The following CLTCL1 variants were observed in gnomAD, a reference collection of about 807,000 sequenced individuals.
CLTCL1 encodes clathrin heavy chain 2.
In CLTCL1, 159 loss-of-function variants were observed where a neutral mutation model predicts 190.0. The observed-to-expected ratio is 0.84, with a 90% CI of 0.74 to 0.95. CLTCL1 has a LOEUF of 0.95. Among genes scored for constraint, CLTCL1 ranks in the 40% least tolerant of loss-of-function variants. The pLI is 0.00. For missense variants in CLTCL1, 1,878 were observed against 2,033.4 expected (o/e 0.92, Z 1.47); for synonymous variants, 752 against 769.6 (o/e 0.98, Z 0.38).
At chr22:19,229,714 A>T (rs1331092438) in intron 11 of CLTCL1, 124 bp downstream of exon 11, 1 of 871,922 alleles carries the variant, frequency 1.1e-6, no homozygotes, top group Non-Finnish European at 1.6e-6. Flanking sequence ...ATGTCCACTG[A>T]GAAGTACAAG....
At position 19,233,245 on chromosome 22, in the gene CLTCL1, C is replaced by T. The variant is rs116398959; in HGVS notation, c.1442G>A (p.Arg481Gln). ...DPMLALSVYLRANVPSKVIQC... is the reference protein window; with the variant it reads ...DPMLALSVYLQANVPSKVIQC... ...GATCACTTTGCTTGGCACATTTGCC[C>T]GAAGGTACACACTCAGAGCGAGCAT... The change falls in exon 9 of 33, where the codon CGG becomes CAG. Residue 481 changes from arginine to glutamine, a missense_variant. Arg to Gln is a conservative substitution (Grantham distance 43, BLOSUM62 1). Coordinates refer to ENST00000427926, the MANE Select transcript of CLTCL1 (RefSeq NM_007098.4). 1,289 of 1,613,944 alleles carry T rather than the reference C, an allele frequency of 8.0e-4. 8 individuals are homozygous for T. The African/African-American group carries it at 0.014, about 18-fold the overall frequency.
rs2084058100 is a variant in CLTCL1 at position 19,179,551 on chromosome 22, A to T, written c.*439T>A. The T allele has an allele frequency of 6.5e-6, 1 of 153,174 alleles. No individual in the cohort carries two copies. 9.5% of individuals were successfully genotyped at this position (153,174 alleles called of 1,614,324 possible). A position where few individuals can be genotyped will look rare whatever the true frequency, so the allele number is the denominator to read the frequency against. ...CTTTTATGAGGTCCGGTACCTCCAA[A>T]CAAGACGTGTTCATGTAGTCTTCAA... is the stretch of plus-strand genomic sequence containing the variant. On this transcript the variant is annotated 3_prime_UTR_variant, in exon 33 of 33. Transcript: ENST00000427926.
intron 10 of CLTCL1, among the ~76,000 whole-genome samples, chr22:19,230,643 G>C (rs1179579504): frequency 5.3e-5 from 8 of 152,034 alleles, no homozygotes; most frequent in African/African-American, 1.7e-4. Flanking sequence ...TTATCAGTGA[G>C]GTATTTTACT....
chr22:19,226,110 C>T lies in CLTCL1; in HGVS notation c.1947+109G>A. The T allele has an allele frequency of 3.1e-6, 4 of 1,272,792 alleles. No individual in the cohort carries two copies. The South Asian group carries it at 6.0e-5, about 19-fold the overall frequency. The allele number at this position is 1,272,792 out of a possible 1,614,324, so 78.8% of individuals were successfully genotyped here. ...AAAGTATGGTAGGTTAGGGCAGTGA[C>T]AGGCTCAGGCCACAGTTCCACAATC... On this transcript the variant is annotated intron_variant, in intron 12 of 32. Transcript: ENST00000427926.
chr22:19,239,489 G>T, intron 4 of CLTCL1, 101 bp from the exon 5 acceptor site: 1 of 809,990 alleles, frequency 1.2e-6, no homozygotes. Flanking sequence ...CCACACACTG[G>T]ATGATTAACG....
chr22:19,230,331 C>T (rs543653370), intron 10 of CLTCL1, among the ~76,000 whole-genome samples: 74 of 152,054 alleles, frequency 4.9e-4, no homozygotes, highest in South Asian at 3.1e-3. Context: ...CTCGAACTCC[C>T]GACTTCAGGT....
rs2085970664 is a variant in CLTCL1, at chr22:19,233,240, T to C, written c.1447A>G (p.Asn483Asp). 26 of 1,613,896 alleles carry C rather than the reference T, an allele frequency of 1.6e-5. No homozygotes were observed. The highest frequency in any genetic ancestry group is 2.1e-5 in the Non-Finnish European group (25 of 1,179,892). ...CACTGGATCACTTTGCTTGGCACAT[T>C]TGCCCGAAGGTACACACTCAGAGCG... Reference protein sequence around the residue: ...MLALSVYLRANVPSKVIQCFA... With the variant: ...MLALSVYLRADVPSKVIQCFA... Residue 483 changes from asparagine (N) to aspartate (D), a missense_variant, in exon 9 of 33, where the codon AAT becomes GAT. Physicochemically the swap from Asn to Asp is conservative, Grantham distance 23 (BLOSUM62 1). Transcript: ENST00000427926.
At chr22:19,267,619 C>A (rs1415892695) in intron 2 of CLTCL1, among the ~76,000 whole-genome samples, 2 of 152,174 alleles carry the variant, frequency 1.3e-5, no homozygotes, top group African/African-American at 4.8e-5. Flanking sequence ...CTGGGTCGGG[C>A]ACAGTGGCTC....
At chr22:19,254,782 T>C (rs1161391941) in intron 2 of CLTCL1, among the ~76,000 whole-genome samples, 2 of 152,376 alleles carry the variant, frequency 1.3e-5, no homozygotes, top group Non-Finnish European at 2.9e-5. Context: ...AAGATGTATC[T>C]AGCAAGATAT....
rs371582873 is a variant in CLTCL1, at chr22:19,254,146, C to G, written c.332G>C (p.Trp111Ser). 2.0e-5 allele frequency: 33 copies of G among 1,613,852 alleles called. No individual in the cohort carries two copies. The highest frequency in any genetic ancestry group is 1.8e-4 in the Admixed American group (11 of 59,986). Residue 111 changes from tryptophan (W) to serine (S), a missense_variant, in exon 3 of 33, where the codon TGG (tryptophan) becomes TCG (serine). Coordinates refer to ENST00000427926, the MANE Select transcript of CLTCL1 (RefSeq NM_007098.4). ...AACAGTGTTCACAGAAACCCATTTC[C>G]AGAAAATCACTTCTTCTGCCATAGT... ...AHTMAEEVIF[W>S]KWVSVNTVAL... is the part of the protein sequence containing the mutation.
In CLTCL1 at chr22:19,234,529, CT is replaced by C; in HGVS notation, c.1146del (p.Val383LeufsTer51). 6.2e-7 allele frequency: 1 copy of C among 1,613,684 alleles called. No homozygotes were observed. The highest frequency in any genetic ancestry group is 8.5e-7 in the Non-Finnish European group (1 of 1,179,738). On this transcript the variant is annotated frameshift_variant, in exon 7 of 33. Coordinates refer to ENST00000427926, the MANE Select transcript of CLTCL1 (RefSeq NM_007098.4). LOFTEE classifies it high-confidence loss of function. Reference protein sequence around the residue: ...FAQGSYAEAAKVAASAPKGIL... With the variant: ...FAQGSYAEAAXVAASAPKGIL... ...ATCACCTTTGGTGCAGACGCTGCAA[CT>C]TTGGCGGCTTCAGCATAGCTGCCCT...
chr22:19,278,086 G>A (rs1291328584), intron 1 of CLTCL1, among the ~76,000 whole-genome samples: 2 of 152,088 alleles, frequency 1.3e-5, no homozygotes, highest in African/African-American at 4.8e-5. Flanking sequence ...GGCGCGAGGG[G>A]TGTCCTTGCC....
At chr22:19,263,187 G>A (rs1555976363) in intron 2 of CLTCL1, among the ~76,000 whole-genome samples, 2 of 151,484 alleles carry the variant, frequency 1.3e-5, no homozygotes, top group African/African-American at 4.8e-5. Flanking sequence ...TCAGACTCCT[G>A]GGCTCAAGAT....
At position 19,201,415 on chromosome 22, in the gene CLTCL1, G is replaced by A. The variant is rs1555939294; in HGVS notation, c.3679C>T (p.Leu1227=). Residue 1227 remains leucine, a synonymous_variant, in exon 23 of 33, where the codon CTG becomes TTG. Transcript: ENST00000427926. ...CCGAGGTGAACCAAGGTGGAAGCCA[G>A]GCGGGCAAAGTTAGAAACATTGCTA... ...LYSNVSNFAR[L]ASTLVHLGEY... 1.9e-6 allele frequency: 3 copies of A among 1,613,842 alleles called. No homozygotes were observed. In the African/African-American group the frequency reaches 4.0e-5, roughly 22 times the overall value.
intron 22 of CLTCL1, among the ~76,000 whole-genome samples, chr22:19,207,095 C>A (rs1356737147): frequency 7.1e-6 from 1 of 140,678 alleles, no homozygotes; most frequent in Non-Finnish European, 1.5e-5. Context: ...CGGCTCACTG[C>A]AACCTCCATC....
At chr22:19,193,056 C>A (rs1555933366) in intron 26 of CLTCL1, among the ~76,000 whole-genome samples, 1 of 152,226 alleles carries the variant, frequency 6.6e-6, no homozygotes, top group African/African-American at 2.4e-5. Context: ...ATCACCTCCT[C>A]AAAGCCCCAC....
chr22:19,271,098 C>A (rs139822533), intron 2 of CLTCL1, among the ~76,000 whole-genome samples: 121 of 152,236 alleles, frequency 7.9e-4, no homozygotes, highest in African/African-American at 2.1e-3. Context: ...CTATCCCCCA[C>A]TGAGCTCAGT....
chr22:19,286,531 G>A (rs2087913264), intron 1 of CLTCL1, among the ~76,000 whole-genome samples: 1 of 152,142 alleles, frequency 6.6e-6, no homozygotes, highest in Admixed American at 6.5e-5. Flanking sequence ...GCTACATAAT[G>A]GCAACATAAA....
chr22:19,275,150 T>C (rs1209653532), intron 2 of CLTCL1, among the ~76,000 whole-genome samples: 1 of 152,208 alleles, frequency 6.6e-6, no homozygotes, highest in Non-Finnish European at 1.5e-5. Context: ...TTTTTCAAGA[T>C]AACTAGAAGG....
Sources: gnomAD v4.1 joint callset for allele counts (sites outside exome capture counted in the v4.1 genomes callset) on GRCh38, gnomAD v4.1.1 for gene constraint, MANE v1.5 for transcripts, NCBI Gene and HGNC (gene_info 2026-07-23, HGNC 2026-07-21) for gene names.